SYCP2: variants seen among roughly 807,000 people sequenced by gnomAD.
The protein encoded by SYCP2 is synaptonemal complex protein 2, also known as synaptonemal complex lateral element protein.
Under a neutral mutation model 211.3 loss-of-function variants are expected in SYCP2, and 55 were observed. The ratio of observed to expected loss-of-function variants is 0.26; its 90% CI spans 0.21 to 0.33. SYCP2 has a LOEUF of 0.33. SYCP2 is among the 10% of genes least tolerant of loss of function. The pLI is 1.00. For synonymous variants in SYCP2, 570 were observed against 555.2 expected, an observed-to-expected ratio of 1.03 and a Z score of -0.37; for missense variants, 1,731 against 1,752.0, an observed-to-expected ratio of 0.99 and a Z score of 0.21.
chr20:59,878,988 A>G (rs1412847197), intron 31 of SYCP2, among the ~76,000 whole-genome samples: 1 of 152,146 alleles, frequency 6.6e-6, no homozygotes, highest in Admixed American at 6.6e-5. Flanking sequence ...AAAAGAATTC[A>G]TACAGAATTT....
chr20:59,890,321 TCTCA>T (rs1568937274), intron 24 of SYCP2, among the ~76,000 whole-genome samples: 2 of 152,058 alleles, frequency 1.3e-5, no homozygotes. Context: ...CACCACATGT[TCTCA>T]CTCATAAGTG....
At chr20:59,932,987 G>A (rs964244237) in intron 1 of SYCP2, among the ~76,000 whole-genome samples, 1 of 151,618 alleles carries the variant, frequency 6.6e-6, no homozygotes, top group Non-Finnish European at 1.5e-5. Context: ...TGCTCCCACC[G>A]CCGGCACGGT....
At chr20:59,874,457 C>T (rs1337067381) in intron 34 of SYCP2, among the ~76,000 whole-genome samples, 2 of 152,002 alleles carry the variant, frequency 1.3e-5, no homozygotes. Context: ...ACATCTTTCA[C>T]ATAAAAATTA....
In SYCP2 at chr20:59,895,606, G is replaced by C; in HGVS notation, c.1505-9C>G. The C allele has an allele frequency of 6.2e-7, 1 of 1,607,562 alleles. No homozygotes were observed. The highest frequency in any genetic ancestry group is 8.5e-7 in the Non-Finnish European group (1 of 1,175,962). On this transcript the variant is annotated splice_polypyrimidine_tract_variant and intron_variant, in intron 19 of 44. Coordinates refer to ENST00000357552, the MANE Select transcript of SYCP2 (RefSeq NM_014258.4). ...TCTTCGTGGTGGTATTGCTAAAAAG[G>C]AGGACAAGGATTGCAGATTTTTCTT... is the stretch of plus-strand genomic sequence containing the variant.
Position 59,868,864 on chromosome 20 carries a change from T to G in SYCP2, c.3803A>C (p.Asp1268Ala), listed in dbSNP as rs1473051658. The G allele has an allele frequency of 1.9e-6, 3 of 1,610,304 alleles. No homozygotes were observed. The highest frequency in any genetic ancestry group is 1.7e-6 in the Non-Finnish European group (2 of 1,177,810). Residue 1268 changes from aspartate (D) to alanine (A), a missense_variant, in exon 37 of 45, where the codon GAC becomes GCC. This residue lies in a region of SYCP2 where 1,387 missense variants were observed against 1,351.3 expected (regional missense o/e 1.03). Transcript: ENST00000357552. ...SSEGREKTWFDMPCDATHVSG... is the reference protein window; with the variant it reads ...SSEGREKTWFAMPCDATHVSG... The stretch of plus-strand genomic sequence containing the variant: ...TACATGAGTAGCATCACAGGGCATG[T>G]CAAACCACGTTTTCTCTCTTCCTTC...
At position 59,921,291 on chromosome 20, in the gene SYCP2, A is replaced by T; in HGVS notation, c.168+19T>A. The T allele has an allele frequency of 6.4e-7, 1 of 1,571,906 alleles. No homozygotes were observed. Among genetic ancestry groups the T allele is most frequent in the Non-Finnish European group, 8.6e-7 (1 of 1,159,030 alleles). On this transcript the variant is annotated intron_variant, in intron 4 of 44. Coordinates refer to ENST00000357552, the MANE Select transcript of SYCP2 (RefSeq NM_014258.4). ...TATCTAATAATTGTAACAATCATTC[A>T]GCAAAAATGAATATTTACCCTGCAT...
rs1319875325 is a variant in SYCP2 at position 59,914,373 on chromosome 20, A to T, written c.635-122T>A. ...TAAGAATATATTAATGTAATTGATT[A>T]ATCTATTAATATTTTCTTCATATGG... On this transcript the variant is annotated intron_variant, in intron 10 of 44. Coordinates refer to ENST00000357552, the MANE Select transcript of SYCP2 (RefSeq NM_014258.4). The T allele has an allele frequency of 8.2e-6, 4 of 487,176 alleles. No homozygotes were observed. In the Middle Eastern group the frequency reaches 1.7e-3, roughly 208 times the overall value. 30.2% of individuals were successfully genotyped at this position (487,176 alleles called of 1,614,324 possible).
intron 17 of SYCP2, 71 bp downstream of exon 17, chr20:59,900,673 C>T: frequency 8.2e-7 from 1 of 1,220,656 alleles, no homozygotes; most frequent in Non-Finnish European, 1.2e-6. Context: ...CCAACAACAC[C>T]TTTATTACTG....
At chr20:59,914,436 C>A (rs1378110290) in intron 10 of SYCP2, among the ~76,000 whole-genome samples, 185 bp from the exon 11 acceptor site, 1 of 151,552 alleles carries the variant, frequency 6.6e-6, no homozygotes, top group East Asian at 1.9e-4. Context: ...TTAACACAGC[C>A]CAAATAACAA....
rs753845636 is a variant in SYCP2, at chr20:59,896,519, GAGT to G, written c.1411_1413del (p.Thr471del). ...GCTTCAGACATTTTTCTTTTGCTAG[GAGT>G]AGTTTTCTGAAACCACGATGAAAAA... On this transcript the variant is annotated inframe_deletion, in exon 19 of 45. Transcript: ENST00000357552. 7.5e-6 allele frequency: 12 copies of G among 1,602,670 alleles called. No individual in the cohort carries two copies. The highest frequency in any genetic ancestry group is 3.3e-4 in the Middle Eastern group (2 of 6,034).
At chr20:59,888,215 G>C (rs1263634519) in intron 24 of SYCP2, among the ~76,000 whole-genome samples, 2 of 151,996 alleles carry the variant, frequency 1.3e-5, no homozygotes, top group South Asian at 4.2e-4. Context: ...GTACAAACCA[G>C]TATCTCCCAT....
Position 59,896,883 on chromosome 20 carries a change from A to G in SYCP2, c.1405-355T>C, listed in dbSNP as rs377223441. On this transcript the variant is annotated intron_variant, in intron 18 of 44. Coordinates refer to ENST00000357552, the MANE Select transcript of SYCP2 (RefSeq NM_014258.4). Reference sequence around the variant, plus strand: ...TTTCCTATTCTATATCATGAGGATAATGTTTGGATTACATATTTATATGAA... The same window carrying G: ...TTTCCTATTCTATATCATGAGGATAGTGTTTGGATTACATATTTATATGAA... Among the ~76,000 whole-genome samples the G allele has an allele frequency of 2.6e-5, 4 of 152,268 alleles. No individual in the cohort carries two copies. In the South Asian group the frequency reaches 8.3e-4, roughly 32 times the overall value.
intron 7 of SYCP2, among the ~76,000 whole-genome samples, chr20:59,917,796 G>T (rs2060470988): frequency 6.6e-6 from 1 of 152,134 alleles, no homozygotes; most frequent in South Asian, 2.1e-4. Context: ...ACAAGTCAAA[G>T]AATGAGTAGG....
chr20:59,874,181 T>C, intron 34 of SYCP2, 120 bp from the exon 35 acceptor site: 1 of 526,794 alleles, frequency 1.9e-6, no homozygotes, highest in Non-Finnish European at 3.1e-6. Context: ...ATCTTAGCTA[T>C]AAAAAAGGAT....
rs920170282 is a variant in SYCP2 at position 59,900,882 on chromosome 20, CATTTT to C, written c.1183-69_1183-65del. 1.9e-5 allele frequency: 22 copies of C among 1,154,322 alleles called. No homozygotes were observed. In the African/African-American group the frequency reaches 2.6e-4, roughly 14 times the overall value. 71.5% of individuals were successfully genotyped at this position (1,154,322 alleles called of 1,614,324 possible). ...ATTTTCTTTCCACTTTTTCATATGT[CATTTT>C]ATTTCCATTTAATGTAATTATTTCC... On this transcript the variant is annotated intron_variant, in intron 16 of 44. Transcript: ENST00000357552.
Position 59,877,377 on chromosome 20 carries a change from C to G in SYCP2, c.3150+8G>C. On this transcript the variant is annotated splice_region_variant and intron_variant, in intron 33 of 44. Coordinates refer to ENST00000357552, the MANE Select transcript of SYCP2 (RefSeq NM_014258.4). Reference sequence around the variant, plus strand: ...TTTTAGAAATTAATCTGAACTGTATCTATTTACCTTTACTGGTATGTTCTC... The same window carrying G: ...TTTTAGAAATTAATCTGAACTGTATGTATTTACCTTTACTGGTATGTTCTC... 1 of 1,549,116 alleles carries G rather than the reference C, an allele frequency of 6.5e-7. No individual in the cohort carries two copies. Among genetic ancestry groups the G allele is most frequent in the Non-Finnish European group, 8.7e-7 (1 of 1,155,910 alleles).
intron 24 of SYCP2, among the ~76,000 whole-genome samples, chr20:59,888,378 AG>A (rs1341249596): frequency 6.6e-6 from 1 of 152,078 alleles, no homozygotes; most frequent in Non-Finnish European, 1.5e-5. Flanking sequence ...CCATCATAAC[AG>A]GCTAATTTAA....
intron 36 of SYCP2, among the ~76,000 whole-genome samples, chr20:59,869,274 T>TG (rs754672396): frequency 2.0e-5 from 3 of 151,792 alleles, no homozygotes; most frequent in Non-Finnish European, 4.4e-5. Context: ...TCTAACCTTA[T>TG]GTTATACTAT....
intron 28 of SYCP2, among the ~76,000 whole-genome samples, 190 bp from the exon 29 acceptor site, chr20:59,881,682 A>G (rs1322681587): frequency 6.6e-6 from 1 of 151,206 alleles, no homozygotes; most frequent in Non-Finnish European, 1.5e-5. Flanking sequence ...TTTTTCATCA[A>G]TAAGAAAGGT....
Sources: gnomAD v4.1 joint callset for allele counts (sites outside exome capture counted in the v4.1 genomes callset) on GRCh38, gnomAD v4.1.1 for gene constraint, gnomAD v4.1.1 regional missense constraint, MANE v1.5 for transcripts, NCBI Gene and HGNC (gene_info 2026-07-23, HGNC 2026-07-21) for gene names.